The following SLCO2A1 variants were observed in gnomAD, a reference collection of about 807,000 sequenced individuals.
SLCO2A1 encodes the protein solute carrier organic anion transporter family member 2A1.
Under a neutral mutation model 71.7 loss-of-function variants are expected in SLCO2A1, and 60 were observed. The observed-to-expected ratio is 0.84, with a 90% CI of 0.68 to 1.04. SLCO2A1 has a LOEUF of 1.04. Among genes scored for constraint, SLCO2A1 ranks in the 50% least tolerant of loss-of-function variants. SLCO2A1 has a pLI of 0.00. For missense variants in SLCO2A1, 745 were observed against 813.4 expected (o/e 0.92, Z 1.02); for synonymous variants, 308 against 326.7 (o/e 0.94, Z 0.62).
intron 1 of SLCO2A1, among the ~76,000 whole-genome samples, chr3:134,003,813 T>C (rs1352719780): frequency 6.6e-6 from 1 of 152,144 alleles, no homozygotes; most frequent in East Asian, 1.9e-4. Flanking sequence ...GTAATTAAAA[T>C]ACATAATCAG....
chr3:134,021,197 T>C (rs1363296403), intron 1 of SLCO2A1, among the ~76,000 whole-genome samples: 1 of 152,214 alleles, frequency 6.6e-6, no homozygotes, highest in Non-Finnish European at 1.5e-5. Flanking sequence ...GTGGTGTGCA[T>C]GTGGTATGAG....
In SLCO2A1 at chr3:133,954,955, C is replaced by T. The variant is rs369558298; in HGVS notation, c.625+11G>A. The T allele has an allele frequency of 6.0e-5, 96 of 1,609,938 alleles. 1 individual carries two copies. The highest frequency in any genetic ancestry group is 5.1e-4 in the African/African-American group (38 of 74,968). On this transcript the variant is annotated intron_variant, in intron 4 of 13. Transcript: ENST00000310926. Reference sequence around the variant, plus strand: ...CCCCTCCCCAAAGCCCTCTTCAAGCCGGTGACTCACAGATGTACAGGGGCG... The same window carrying T: ...CCCCTCCCCAAAGCCCTCTTCAAGCTGGTGACTCACAGATGTACAGGGGCG...
chr3:133,949,209 G>A (rs1378591343), intron 6 of SLCO2A1: 9 of 552,092 alleles, frequency 1.6e-5, no homozygotes, highest in South Asian at 6.2e-5. Context: ...TGCCTCCCAC[G>A]ATACCTGTGG....
chr3:133,955,069 C>T lies in SLCO2A1; in HGVS notation c.522G>A (p.Val174=), dbSNP rs761942122. The change falls in exon 4 of 14, where the codon GTG becomes GTA. Residue 174 remains valine, a synonymous_variant. Coordinates refer to ENST00000310926, the MANE Select transcript of SLCO2A1 (RefSeq NM_005630.3). The stretch of plus-strand genomic sequence containing the variant: ...CGATGCCAGCCAGCAGCTGGGCAAC[C>T]ACCATCAGGCCCCACATGCTGCTGG... The part of the protein sequence containing the change: ...KETSSMWGLM[V]VAQLLAGIGT... The T allele has an allele frequency of 1.9e-6, 3 of 1,614,060 alleles. No individual in the cohort carries two copies. The highest frequency in any genetic ancestry group is 1.1e-5 in the South Asian group (1 of 91,074).
intron 1 of SLCO2A1, among the ~76,000 whole-genome samples, chr3:134,024,638 G>C (rs890393537): frequency 6.6e-6 from 1 of 152,160 alleles, no homozygotes; most frequent in Non-Finnish European, 1.5e-5. Context: ...CCAAAGCCTG[G>C]CCCCCAGGTT....
chr3:133,947,828 A>G lies in SLCO2A1; in HGVS notation c.1106-383T>C, dbSNP rs370122771. ...GTCAGAGATGGAAGGCCAGAGGGGT[A>G]AAGCCACAGCCAAGGACCAGCCAGG... On this transcript the variant is annotated intron_variant, in intron 8 of 13. Coordinates refer to ENST00000310926, the MANE Select transcript of SLCO2A1 (RefSeq NM_005630.3). Among the ~76,000 whole-genome samples the G allele has an allele frequency of 7.2e-5, 11 of 152,300 alleles. No individual in the cohort carries two copies. In the East Asian group the frequency reaches 1.9e-3, roughly 27 times the overall value.
intron 3 of SLCO2A1, among the ~76,000 whole-genome samples, chr3:133,970,968 G>C (rs12695600): frequency 0.66 from 100,871 of 152,232 alleles, 33,645 homozygotes; most frequent in South Asian, 0.86. Context: ...AACCCAAACT[G>C]ACTGATTATT....
chr3:133,973,658 C>T lies in SLCO2A1; in HGVS notation c.397+5G>A, dbSNP rs754404614. On this transcript the variant is annotated splice_donor_5th_base_variant and intron_variant, in intron 3 of 13. Coordinates refer to ENST00000310926, the MANE Select transcript of SLCO2A1 (RefSeq NM_005630.3). ...CCCTTGAGGCAGGGGTTGGAAGCCACTCACCAGTGCTGGCCAAGGTGTACT... is the reference window on the plus strand; with the variant it reads ...CCCTTGAGGCAGGGGTTGGAAGCCATTCACCAGTGCTGGCCAAGGTGTACT... The T allele has an allele frequency of 3.1e-6, 5 of 1,613,392 alleles. No individual in the cohort carries two copies. Among genetic ancestry groups the T allele is most frequent in the Non-Finnish European group, 8.5e-7 (1 of 1,179,982 alleles).
chr3:133,943,727 A>T (rs1030281830), intron 10 of SLCO2A1, among the ~76,000 whole-genome samples: 1 of 152,216 alleles, frequency 6.6e-6, no homozygotes, highest in African/African-American at 2.4e-5. Context: ...AACAAAGATA[A>T]GAAAACCACA....
intron 3 of SLCO2A1, among the ~76,000 whole-genome samples, chr3:133,969,546 C>A (rs1934278626): frequency 6.6e-6 from 1 of 151,150 alleles, no homozygotes; most frequent in Non-Finnish European, 1.5e-5. Context: ...GCCATAATGC[C>A]CGGCTAACTT....
At chr3:134,009,958 T>C (rs1160594216) in intron 1 of SLCO2A1, among the ~76,000 whole-genome samples, 1 of 152,180 alleles carries the variant, frequency 6.6e-6, no homozygotes, top group Non-Finnish European at 1.5e-5. Context: ...CTATAAAATG[T>C]GGGCAATGCA....
chr3:133,993,332 G>T (rs529152343), intron 1 of SLCO2A1, among the ~76,000 whole-genome samples: 28 of 152,346 alleles, frequency 1.8e-4, no homozygotes, highest in African/African-American at 4.8e-4. Context: ...TTTTCTAATG[G>T]TGCCCTGTTC....
intron 9 of SLCO2A1, among the ~76,000 whole-genome samples, chr3:133,945,866 G>A (rs1189648790): frequency 6.6e-6 from 1 of 152,152 alleles, no homozygotes; most frequent in Non-Finnish European, 1.5e-5. Context: ...ATAATTATAC[G>A]AATGAGAGTT....
At chr3:133,988,673 A>G (rs527618660) in intron 1 of SLCO2A1, among the ~76,000 whole-genome samples, 1 of 152,278 alleles carries the variant, frequency 6.6e-6, no homozygotes, top group South Asian at 2.1e-4. Context: ...CGGGGTACTG[A>G]GGACCATGCT....
intron 3 of SLCO2A1, among the ~76,000 whole-genome samples, chr3:133,971,407 T>C (rs1934322269): frequency 6.6e-6 from 1 of 152,108 alleles, no homozygotes; most frequent in African/African-American, 2.4e-5. Context: ...CCCCACAGAG[T>C]CCATACATTT....
At chr3:133,951,095 T>C (rs754304981) in intron 6 of SLCO2A1, 113 bp downstream of exon 6, 1 of 1,427,366 alleles carries the variant, frequency 7.0e-7, no homozygotes, top group Admixed American at 1.7e-5. Flanking sequence ...TTTGTTTAGA[T>C]TTCACCCTGA....
chr3:133,965,920 G>A (rs1194849492), intron 3 of SLCO2A1, among the ~76,000 whole-genome samples: 1 of 152,194 alleles, frequency 6.6e-6, no homozygotes, highest in Non-Finnish European at 1.5e-5. Flanking sequence ...TGATGGAGTG[G>A]AGTATAGGAA....
At chr3:133,966,453 G>A (rs539929208) in intron 3 of SLCO2A1, among the ~76,000 whole-genome samples, 203 of 152,282 alleles carry the variant, frequency 1.3e-3, no homozygotes, top group Non-Finnish European at 2.9e-4. Flanking sequence ...GGAGTATGGA[G>A]TCCCCTGCTC....
At chr3:133,939,635 A>G (rs1287291804) in intron 11 of SLCO2A1, among the ~76,000 whole-genome samples, 4 of 152,160 alleles carry the variant, frequency 2.6e-5, no homozygotes, top group Non-Finnish European at 5.9e-5. Context: ...GACCCCCACA[A>G]TGCAAAGTGT....
Sources: allele counts gnomAD v4.1 joint callset (sites outside exome capture counted in the v4.1 genomes callset), GRCh38; gene constraint gnomAD v4.1.1; transcripts MANE v1.5; gene names NCBI Gene and HGNC (gene_info 2026-07-23, HGNC 2026-07-21).